The following RHCE variants were observed in gnomAD, a reference collection of about 807,000 sequenced individuals.
RHCE encodes blood group Rh(CE) polypeptide.
In RHCE, 22 loss-of-function variants were observed where a neutral mutation model predicts 43.8. The observed-to-expected ratio is 0.50, with a 90% CI of 0.36 to 0.72. The LOEUF (loss-of-function observed/expected upper bound fraction) is 0.72. RHCE is among the 30% of genes least tolerant of loss of function. RHCE has a pLI of 0.00. For missense variants in RHCE, 385 were observed against 525.4 expected (o/e 0.73, Z 2.61); for synonymous variants, 156 against 210.7 (o/e 0.74, Z 2.25).
intron 1 of RHCE, among the ~76,000 whole-genome samples, 168 bp downstream of exon 1, chr1:25,420,471 A>G (rs989121683): frequency 6.6e-6 from 1 of 152,190 alleles, no homozygotes; most frequent in East Asian, 1.9e-4. Context: ...TCTAAAGGAA[A>G]GCTTACATTG....
intron 3 of RHCE, among the ~76,000 whole-genome samples, chr1:25,393,186 T>C (rs147341204): frequency 1.2e-3 from 186 of 152,302 alleles, no homozygotes; most frequent in Middle Eastern, 3.4e-3. Context: ...TTTAGCACCA[T>C]TTCCCACTGA....
upstream of RHCE, chr1:25,420,874 G>A (rs1571933332): frequency 6.4e-7 from 1 of 1,556,852 alleles, no homozygotes; most frequent in Admixed American, 1.9e-5. Flanking sequence ...GGGAGCGATA[G>A]GGGAGACACC....
intron 3 of RHCE, among the ~76,000 whole-genome samples, chr1:25,394,509 G>A (rs775388938): frequency 1.3e-5 from 2 of 151,870 alleles, no homozygotes; most frequent in African/African-American, 4.8e-5. Flanking sequence ...CCAACTTTTC[G>A]TGTTTCTTTT....
At chr1:25,402,521 A>G (rs1646785146) in intron 3 of RHCE, 75 bp downstream of exon 3, 1 of 1,612,618 alleles carries the variant, frequency 6.2e-7, no homozygotes, top group African/African-American at 1.3e-5. Context: ...TTATTTTTCA[A>G]AACCCCGGAA....
intron 3 of RHCE, among the ~76,000 whole-genome samples, chr1:25,396,681 C>G (rs942023615): frequency 6.6e-6 from 1 of 152,150 alleles, no homozygotes; most frequent in African/African-American, 2.4e-5. Flanking sequence ...CTCCTGAAAA[C>G]CCACTCACTG....
At chr1:25,400,416 C>T (rs1349899661) in intron 3 of RHCE, among the ~76,000 whole-genome samples, 40 of 151,618 alleles carry the variant, frequency 2.6e-4, no homozygotes, top group East Asian at 1.4e-3. Flanking sequence ...CAGGACCTCA[C>T]GCTCTCCTGG....
At chr1:25,379,483 ATATATATATATATTTTT>A (rs1215620423) in intron 7 of RHCE, among the ~76,000 whole-genome samples, 19 of 19,428 alleles carry the variant, frequency 9.8e-4, no homozygotes, top group African/African-American at 4.0e-3. Context: ...ATATATATAT[ATATATATATATATTTTT>A]TTTTTTTTTT....
intron 3 of RHCE, among the ~76,000 whole-genome samples, chr1:25,395,346 G>C (rs1418985024): frequency 6.6e-6 from 1 of 151,490 alleles, no homozygotes; most frequent in Non-Finnish European, 1.5e-5. Context: ...TGGGTGGGTG[G>C]AGGGGACACG....
At chr1:25,405,218 C>T (rs974031498) in intron 2 of RHCE, among the ~76,000 whole-genome samples, 6 of 151,986 alleles carry the variant, frequency 3.9e-5, no homozygotes, top group South Asian at 2.1e-4. Context: ...ATCAGCTAGG[C>T]GTGGTGGTGT....
chr1:25,420,420 A>G (rs1481956690), intron 1 of RHCE, among the ~76,000 whole-genome samples: 1 of 152,126 alleles, frequency 6.6e-6, no homozygotes, highest in African/African-American at 2.4e-5. Context: ...GTGCTGAAAA[A>G]TCAAGGCAGG....
At chr1:25,393,725 G>A (rs1228586843) in intron 3 of RHCE, among the ~76,000 whole-genome samples, 1 of 151,866 alleles carries the variant, frequency 6.6e-6, no homozygotes, top group African/African-American at 2.4e-5. Flanking sequence ...TTCTTGCCAC[G>A]ACCCTGCAGG....
chr1:25,422,385 T>A (rs1194773702), upstream of RHCE, among the ~76,000 whole-genome samples: 1 of 152,166 alleles, frequency 6.6e-6, no homozygotes, highest in Non-Finnish European at 1.5e-5. Context: ...ATATTCCCAC[T>A]CTTATAAAAT....
chr1:25,398,764 G>A lies in RHCE; in HGVS notation c.486+3832C>T. On this transcript the variant is annotated intron_variant, in intron 3 of 9. Coordinates refer to ENST00000294413, the MANE Select transcript of RHCE (RefSeq NM_020485.8). ...CTGAGTGCCGTTTGCGGTGCCCAAG[G>A]AGGCCGAGCTCTGTTGCTGCGAACT... 8 of 1,585,176 alleles carry A rather than the reference G, an allele frequency of 5.0e-6. No individual in the cohort carries two copies. The East Asian group carries it at 1.1e-4, about 22-fold the overall frequency.
At chr1:25,385,524 G>C in intron 7 of RHCE, 187 bp downstream of exon 7, 1 of 854,442 alleles carries the variant, frequency 1.2e-6, no homozygotes, top group Non-Finnish European at 1.9e-6. Flanking sequence ...GTGGCCTGGA[G>C]AGGTGATAAA....
At chr1:25,368,048 G>A (rs1043040049) in intron 9 of RHCE, among the ~76,000 whole-genome samples, 1 of 151,230 alleles carries the variant, frequency 6.6e-6, no homozygotes, top group Non-Finnish European at 1.5e-5. Context: ...GGTGGGACCA[G>A]GTGGGTAGGA....
chr1:25,413,479 G>T (rs1363163254), intron 1 of RHCE, among the ~76,000 whole-genome samples: 3 of 152,248 alleles, frequency 2.0e-5, no homozygotes, highest in Non-Finnish European at 4.4e-5. Flanking sequence ...GTGTTCAGGG[G>T]TGATAAGAAG....
At chr1:25,393,661 C>T (rs1265706992) in intron 3 of RHCE, among the ~76,000 whole-genome samples, 1 of 151,868 alleles carries the variant, frequency 6.6e-6, no homozygotes, top group Non-Finnish European at 1.5e-5. Flanking sequence ...TCATGTTACT[C>T]CTCTGCTCAG....
Position 25,371,063 on chromosome 1 carries a change from TA to T in RHCE, c.1154-524del, listed in dbSNP as rs980668763. Among the ~76,000 whole-genome samples, 29 of 147,984 alleles carry T rather than the reference TA, an allele frequency of 2.0e-4. 2 individuals carry two copies. Among genetic ancestry groups the T allele is most frequent in the African/African-American group, 7.6e-4 (29 of 38,140 alleles). On this transcript the variant is annotated intron_variant, in intron 8 of 9. Coordinates refer to ENST00000294413, the MANE Select transcript of RHCE (RefSeq NM_020485.8). ...AAGCCACCACACCCGGCCGATTCTG[TA>T]AACAATTTTTTTTTTTTTGAAAAAA...
chr1:25,409,615 G>C lies in RHCE; in HGVS notation c.149-746C>G, dbSNP rs1458928828. 4.8e-5 allele frequency among the ~76,000 whole-genome samples: 6 copies of C among 123,788 alleles called. 1 individual carries two copies. The highest frequency in any genetic ancestry group is 1.5e-4 in the African/African-American group (6 of 39,864). The allele number at this position is 123,788 out of a possible 152,430, so 81.2% of individuals were successfully genotyped here. On this transcript the variant is annotated intron_variant, in intron 1 of 9. Coordinates refer to ENST00000294413, the MANE Select transcript of RHCE (RefSeq NM_020485.8). The stretch of plus-strand genomic sequence containing the variant: ...AGTTTTGAAAAAGGGTTAGCAGCTT[G>C]AGCTCCAGAACGAGACAAATTTGGG...
Sources: gnomAD v4.1 joint callset for allele counts (sites outside exome capture counted in the v4.1 genomes callset) on GRCh38, gnomAD v4.1.1 for gene constraint, MANE v1.5 for transcripts, NCBI Gene and HGNC (gene_info 2026-07-23, HGNC 2026-07-21) for gene names.